The following SLC44A1 variants were observed in gnomAD, a reference collection of about 807,000 sequenced individuals.
The protein encoded by SLC44A1 is choline transporter-like protein 1.
SLC44A1 carries 26 observed loss-of-function variants against 79.3 expected under a neutral mutation model. The ratio of observed to expected loss-of-function variants is 0.33; its 90% CI spans 0.24 to 0.46. SLC44A1 has a LOEUF of 0.46. Among genes scored for constraint, SLC44A1 ranks in the 20% least tolerant of loss-of-function variants. The pLI, the probability that SLC44A1 is intolerant of heterozygous loss-of-function variation, is 1.00. For missense variants in SLC44A1, 688 were observed against 798.1 expected, an observed-to-expected ratio of 0.86 and a Z score of 1.66; for synonymous variants, 263 against 286.2, an observed-to-expected ratio of 0.92 and a Z score of 0.82.
intron 15 of SLC44A1, among the ~76,000 whole-genome samples, chr9:105,403,584 T>C (rs888341850): frequency 2.7e-5 from 4 of 150,342 alleles, no homozygotes; most frequent in Non-Finnish European, 4.4e-5. Flanking sequence ...ACCCAGCCTC[T>C]GCTCTCTGAA....
chr9:105,251,864 G>T (rs1453397859), intron 1 of SLC44A1, among the ~76,000 whole-genome samples: 1 of 152,118 alleles, frequency 6.6e-6, no homozygotes, highest in Non-Finnish European at 1.5e-5. Flanking sequence ...AGCCTTATGT[G>T]TTTTCCCTGT....
chr9:105,343,351 G>A (rs896527988), intron 4 of SLC44A1, among the ~76,000 whole-genome samples: 4 of 152,166 alleles, frequency 2.6e-5, no homozygotes, highest in African/African-American at 9.6e-5. Context: ...TTACTGTTTA[G>A]CCATTAAAAA....
intron 3 of SLC44A1, among the ~76,000 whole-genome samples, chr9:105,332,118 C>CTT (rs34173274): frequency 6.5e-4 from 83 of 128,220 alleles, no homozygotes; most frequent in South Asian, 1.2e-3. Flanking sequence ...TTCTTTGTTT[C>CTT]TTTTTTTTTT....
At chr9:105,381,696 A>C (rs757772517) in intron 13 of SLC44A1, among the ~76,000 whole-genome samples, 2 of 152,262 alleles carry the variant, frequency 1.3e-5, no homozygotes, top group South Asian at 2.1e-4. Flanking sequence ...GAGAAGATTC[A>C]TAAGTGTGTT....
chr9:105,397,025 T>C lies in SLC44A1; in HGVS notation c.*7969T>C. 1.0e-6 allele frequency: 1 copy of C among 985,192 alleles called. No individual in the cohort carries two copies. Among genetic ancestry groups the C allele is most frequent in the African/African-American group, 1.7e-5 (1 of 57,364 alleles). 61.0% of individuals were successfully genotyped at this position (985,192 alleles called of 1,614,324 possible). A position where few individuals can be genotyped will look rare whatever the true frequency, so the allele number is the denominator to read the frequency against. On this transcript the variant is annotated 3_prime_UTR_variant, in exon 16 of 16. Transcript: ENST00000374720. Reference sequence around the variant, plus strand: ...AGACTTTGCAGATGGAGCATTATGCTCTCAGAGGACTTTAAAAATATGTAT... The same window carrying C: ...AGACTTTGCAGATGGAGCATTATGCCCTCAGAGGACTTTAAAAATATGTAT...
intron 1 of SLC44A1, among the ~76,000 whole-genome samples, chr9:105,265,987 T>A (rs1829952957): frequency 6.6e-6 from 1 of 152,110 alleles, no homozygotes; most frequent in South Asian, 2.1e-4. Flanking sequence ...AGACATGGTC[T>A]AACTCTGTCA....
chr9:105,372,733 G>A (rs1157852587), intron 12 of SLC44A1, among the ~76,000 whole-genome samples: 3 of 147,340 alleles, frequency 2.0e-5, no homozygotes, highest in African/African-American at 2.4e-5. Flanking sequence ...GGCGGATCAC[G>A]AGGTCAGGAG....
chr9:105,425,261 C>T (rs904740863), intron 15 of SLC44A1, among the ~76,000 whole-genome samples: 1 of 152,092 alleles, frequency 6.6e-6, no homozygotes, highest in Non-Finnish European at 1.5e-5. Flanking sequence ...TATTGTACTA[C>T]ACAGTACTAA....
chr9:105,285,054 G>C (rs1830442909), intron 1 of SLC44A1, among the ~76,000 whole-genome samples: 2 of 152,120 alleles, frequency 1.3e-5, no homozygotes, highest in Non-Finnish European at 2.9e-5. Flanking sequence ...ATGTTTTCAA[G>C]GTTCATTCAT....
At chr9:105,319,247 G>A (rs1826307396) in intron 3 of SLC44A1, among the ~76,000 whole-genome samples, 1 of 152,050 alleles carries the variant, frequency 6.6e-6, no homozygotes, top group African/African-American at 2.4e-5. Context: ...TATTTGCCAG[G>A]AAGACTTGCA....
At chr9:105,328,244 A>C (rs1015722479) in intron 3 of SLC44A1, among the ~76,000 whole-genome samples, 4 of 152,192 alleles carry the variant, frequency 2.6e-5, no homozygotes, top group African/African-American at 9.7e-5. Flanking sequence ...GTGGAAAATA[A>C]ACAGATAAAT....
At chr9:105,266,721 A>AAAGCC (rs1357361969) in intron 1 of SLC44A1, among the ~76,000 whole-genome samples, 1 of 152,214 alleles carries the variant, frequency 6.6e-6, no homozygotes, top group Non-Finnish European at 1.5e-5. Flanking sequence ...TATAGTATAT[A>AAAGCC]TTGAAATCAG....
chr9:105,253,457 G>C (rs1248902667), intron 1 of SLC44A1, among the ~76,000 whole-genome samples: 1 of 152,174 alleles, frequency 6.6e-6, no homozygotes, highest in Non-Finnish European at 1.5e-5. Flanking sequence ...GCTGGGTTTG[G>C]TGGCTCACAC....
intron 1 of SLC44A1, among the ~76,000 whole-genome samples, chr9:105,254,070 A>C (rs904565672): frequency 6.6e-5 from 10 of 152,142 alleles, no homozygotes; most frequent in Admixed American, 4.6e-4. Context: ...AATAAAAAAA[A>C]CCCTTAAATC....
intron 15 of SLC44A1, among the ~76,000 whole-genome samples, chr9:105,412,750 T>A (rs1043630434): frequency 1.1e-4 from 16 of 152,016 alleles, no homozygotes; most frequent in African/African-American, 3.6e-4. Flanking sequence ...TACAGACACC[T>A]GCCACCACGC....
rs138148220 is a variant in SLC44A1, at chr9:105,303,118, C to T, written c.126+3809C>T. On this transcript the variant is annotated intron_variant, in intron 2 of 15. Coordinates refer to ENST00000374720, the MANE Select transcript of SLC44A1 (RefSeq NM_080546.5). ...AGCTCAAATCCCACCCCAGCTCCTCCTGGGTTCTCAACCACGGTTTCTGTA... is the reference window on the plus strand; with the variant it reads ...AGCTCAAATCCCACCCCAGCTCCTCTTGGGTTCTCAACCACGGTTTCTGTA... 3.1e-3 allele frequency among the ~76,000 whole-genome samples: 465 copies of T among 152,220 alleles called. 5 individuals carry two copies. The highest frequency in any genetic ancestry group is 0.01 in the African/African-American group (425 of 41,544).
At chr9:105,342,804 A>G (rs1437895585) in intron 4 of SLC44A1, among the ~76,000 whole-genome samples, 4 of 152,098 alleles carry the variant, frequency 2.6e-5, no homozygotes, top group African/African-American at 9.6e-5. Context: ...TATTGTTTTG[A>G]TTTTTGCACT....
chr9:105,422,029 C>T (rs1829258135), intron 15 of SLC44A1, among the ~76,000 whole-genome samples: 1 of 152,128 alleles, frequency 6.6e-6, no homozygotes, highest in Non-Finnish European at 1.5e-5. Flanking sequence ...TCACTGAGTG[C>T]CAGTTGAGAG....
chr9:105,436,945 T>A (rs942257102), intron 15 of SLC44A1, among the ~76,000 whole-genome samples: 1 of 152,214 alleles, frequency 6.6e-6, no homozygotes, highest in Non-Finnish European at 1.5e-5. Context: ...CTTCATTTGA[T>A]ATCTGAATCA....
Sources: gnomAD v4.1 joint callset for allele counts (sites outside exome capture counted in the v4.1 genomes callset) on GRCh38, gnomAD v4.1.1 for gene constraint, MANE v1.5 for transcripts, NCBI Gene and HGNC (gene_info 2026-07-23, HGNC 2026-07-21) for gene names.